TAFA5: variants seen among roughly 807,000 people sequenced by gnomAD.
The protein encoded by TAFA5 is TAFA chemokine like family member 5.
A neutral mutation model predicts 15.3 loss-of-function variants in TAFA5; 6 were observed. That is an observed-to-expected ratio of 0.39 (90% CI 0.21 to 0.77). The LOEUF is 0.77. Among genes scored for constraint, TAFA5 ranks in the 30% least tolerant of loss-of-function variants. TAFA5 has a pLI of 0.41. For missense variants in TAFA5, 161 were observed against 193.1 expected (o/e 0.83, Z 0.98); for synonymous variants, 103 against 80.7 (o/e 1.28, Z -1.48).
intron 1 of TAFA5, among the ~76,000 whole-genome samples, chr22:48,623,667 C>A (rs998750474): frequency 6.6e-6 from 1 of 152,258 alleles, no homozygotes; most frequent in Non-Finnish European, 1.5e-5. Context: ...AGCCAGCAGG[C>A]CCAGCACGCC....
At position 48,742,313 on chromosome 22, in the gene TAFA5, G is replaced by A. The variant is rs891152859; in HGVS notation, c.391-7526G>A. Among the ~76,000 whole-genome samples, 2 of 152,206 alleles carry A rather than the reference G, an allele frequency of 1.3e-5. No individual in the cohort carries two copies. Among genetic ancestry groups the A allele is most frequent in the African/African-American group, 2.4e-5 (1 of 41,450 alleles). The stretch of plus-strand genomic sequence containing the variant: ...GTTCGGGAAAAGAACTGACCCCCAC[G>A]AGGATGGTCCTGGTGTTGAGAAACC... On this transcript the variant is annotated intron_variant, in intron 3 of 3. Coordinates refer to ENST00000402357, the MANE Select transcript of TAFA5 (RefSeq NM_001082967.3). The surrounding 1 kb of genome is among the most constrained non-coding windows in gnomAD (Gnocchi z 6.2).
At chr22:48,722,110 G>T (rs186807530) in intron 3 of TAFA5, among the ~76,000 whole-genome samples, 2 of 152,106 alleles carry the variant, frequency 1.3e-5, no homozygotes, top group Non-Finnish European at 2.9e-5. Context: ...TTGAGGAATC[G>T]CCACACTGTC....
At chr22:48,660,138 A>C (rs1302560638) in intron 2 of TAFA5, among the ~76,000 whole-genome samples, 2 of 152,178 alleles carry the variant, frequency 1.3e-5, no homozygotes, top group Admixed American at 6.5e-5. Flanking sequence ...CTGTCCCCCC[A>C]AAAAAACCCC....
At position 48,750,519 on chromosome 22, in the gene TAFA5, A is replaced by T. The variant is rs1374108681; in HGVS notation, c.*672A>T. ...CGGAGGACGGGCTTCGGCTGCGCGG[A>T]GGCCGTGGCACACCTGCGGGAGGCA... On this transcript the variant is annotated 3_prime_UTR_variant, in exon 4 of 4. Coordinates refer to ENST00000402357, the MANE Select transcript of TAFA5 (RefSeq NM_001082967.3). 1 of 151,418 alleles carries T rather than the reference A, an allele frequency of 6.6e-6. No homozygotes were observed. The highest frequency in any genetic ancestry group is 1.5e-5 in the Non-Finnish European group (1 of 67,844). The allele number at this position is 151,418 out of a possible 1,614,324, so 9.4% of individuals were successfully genotyped here. A position where few individuals can be genotyped will look rare whatever the true frequency, so the allele number is the denominator to read the frequency against.
intron 2 of TAFA5, among the ~76,000 whole-genome samples, chr22:48,692,994 G>T (rs994566846): frequency 6.6e-6 from 1 of 152,200 alleles, no homozygotes; most frequent in Non-Finnish European, 1.5e-5. Flanking sequence ...TAAGAACTCC[G>T]CGAGCCCGTG....
rs117897255 is a variant in TAFA5, at chr22:48,564,414, A to G, written c.112+74710A>G. Among the ~76,000 whole-genome samples, 1,255 of 152,252 alleles carry G rather than the reference A, an allele frequency of 8.2e-3. 20 individuals are homozygous for G. Among genetic ancestry groups the G allele is most frequent in the Non-Finnish European group, 0.013 (879 of 68,012 alleles). On this transcript the variant is annotated intron_variant, in intron 1 of 3. Coordinates refer to ENST00000402357, the MANE Select transcript of TAFA5 (RefSeq NM_001082967.3). ...GCTGGTGGTTACTGACCAAGTGCTG[A>G]CCTTTTGGGCCTGAAGGCTGCAGAG...
intron 2 of TAFA5, among the ~76,000 whole-genome samples, chr22:48,658,879 A>G (rs1389150251): frequency 6.6e-6 from 1 of 152,136 alleles, no homozygotes; most frequent in African/African-American, 2.4e-5. Context: ...CCCTGTGCTG[A>G]GGGGTGTGGA....
At chr22:48,602,567 G>T (rs768950884) in intron 1 of TAFA5, among the ~76,000 whole-genome samples, 11 of 152,190 alleles carry the variant, frequency 7.2e-5, no homozygotes, top group Non-Finnish European at 1.6e-4. Context: ...GAATGTTTGT[G>T]TCCTTGCTGT....
intron 2 of TAFA5, among the ~76,000 whole-genome samples, chr22:48,669,842 A>G (rs1415255389): frequency 6.6e-6 from 1 of 152,246 alleles, no homozygotes; most frequent in Non-Finnish European, 1.5e-5. Context: ...GCCCTCGCAT[A>G]TGAAGGCTAT....
chr22:48,642,899 C>T (rs959305137), intron 1 of TAFA5, among the ~76,000 whole-genome samples: 9 of 152,086 alleles, frequency 5.9e-5, no homozygotes, highest in African/African-American at 7.2e-5. Flanking sequence ...CAGGGAGCTC[C>T]ACTCTAGAGC....
At chr22:48,703,313 C>T (rs13056122) in intron 2 of TAFA5, among the ~76,000 whole-genome samples, 2 of 151,914 alleles carry the variant, frequency 1.3e-5, no homozygotes, top group Non-Finnish European at 2.9e-5. Context: ...CAGCCTAAGT[C>T]CCCCCGGACC....
chr22:48,719,581 C>G (rs1299644019), intron 3 of TAFA5, among the ~76,000 whole-genome samples: 1 of 152,212 alleles, frequency 6.6e-6, no homozygotes, highest in Non-Finnish European at 1.5e-5. Context: ...GGACTGCCCC[C>G]CCTGCATTCT....
intron 1 of TAFA5, among the ~76,000 whole-genome samples, chr22:48,512,258 A>G (rs1305692281): frequency 6.6e-6 from 1 of 152,210 alleles, no homozygotes; most frequent in Non-Finnish European, 1.5e-5. Context: ...GCGCGGCCAC[A>G]GTGCAGAAAG....
intron 3 of TAFA5, among the ~76,000 whole-genome samples, chr22:48,719,911 AAC>A (rs1929518424): frequency 7.5e-6 from 1 of 133,972 alleles, no homozygotes; most frequent in Admixed American, 7.2e-5. Flanking sequence ...TGAGCCCAGA[AAC>A]AAAAAAAAAT....
At chr22:48,607,609 G>A (rs1433658914) in intron 1 of TAFA5, among the ~76,000 whole-genome samples, 3 of 138,312 alleles carry the variant, frequency 2.2e-5, no homozygotes, top group Non-Finnish European at 4.8e-5. Context: ...CCTGGGTTCT[G>A]ATTAGGGCTG....
At chr22:48,677,638 C>A (rs900697733) in intron 2 of TAFA5, among the ~76,000 whole-genome samples, 3 of 152,226 alleles carry the variant, frequency 2.0e-5, no homozygotes, top group African/African-American at 7.2e-5. Flanking sequence ...TCTTCTCCTC[C>A]CCGAGGCCTC....
intron 2 of TAFA5, among the ~76,000 whole-genome samples, chr22:48,702,118 CTTGTGT>C (rs1928926423): frequency 9.5e-6 from 1 of 105,132 alleles, no homozygotes; most frequent in South Asian, 3.0e-4. Context: ...ACACAGTGGA[CTTGTGT>C]GTGAGTGTGT....
intron 3 of TAFA5, among the ~76,000 whole-genome samples, chr22:48,711,332 GGC>G (rs1410764358): frequency 1.4e-4 from 21 of 152,098 alleles, no homozygotes; most frequent in Admixed American, 1.4e-3. Context: ...CTATGGCGGG[GGC>G]ACCTTGTATA....
chr22:48,710,533 G>A (rs1929218930), intron 3 of TAFA5, among the ~76,000 whole-genome samples: 1 of 152,090 alleles, frequency 6.6e-6, no homozygotes, highest in Non-Finnish European at 1.5e-5. Context: ...CATCCGTCCA[G>A]GGCCGCCCAA....
Sources: allele counts gnomAD v4.1 joint callset (sites outside exome capture counted in the v4.1 genomes callset), GRCh38; gene constraint gnomAD v4.1.1; non-coding constraint Gnocchi (gnomAD v3.1); transcripts MANE v1.5; gene names NCBI Gene and HGNC (gene_info 2026-07-23, HGNC 2026-07-21).